INPP4B: variants seen among roughly 807,000 people sequenced by gnomAD.
The protein encoded by INPP4B is inositol polyphosphate-4-phosphatase type II B, also known as inositol polyphosphate 4-phosphatase type II.
A neutral mutation model predicts 122.5 loss-of-function variants in INPP4B; 55 were observed. That is an observed-to-expected ratio of 0.45 (90% CI 0.36 to 0.56). The LOEUF (loss-of-function observed/expected upper bound fraction) is 0.56. Among genes scored for constraint, INPP4B ranks in the 20% least tolerant of loss-of-function variants. The pLI is 0.00. For missense variants in INPP4B, 1,000 were observed against 1,097.7 expected, an observed-to-expected ratio of 0.91 and a Z score of 1.26; for synonymous variants, 403 against 388.7, an observed-to-expected ratio of 1.04 and a Z score of -0.43.
intron 15 of INPP4B, among the ~76,000 whole-genome samples, chr4:142,188,821 CT>C (rs1834427254): frequency 6.6e-6 from 1 of 151,984 alleles, no homozygotes; most frequent in African/African-American, 2.4e-5. Context: ...ATTTTTGTAA[CT>C]AGTGATTAGT....
intron 5 of INPP4B, among the ~76,000 whole-genome samples, chr4:142,427,694 C>T (rs988425301): frequency 6.6e-6 from 1 of 152,028 alleles, no homozygotes; most frequent in Non-Finnish European, 1.5e-5. Context: ...CTTTCTCCAG[C>T]AGGCAAACAA....
intron 23 of INPP4B, among the ~76,000 whole-genome samples, chr4:142,100,185 G>A (rs1314369571): frequency 6.6e-6 from 1 of 152,076 alleles, no homozygotes; most frequent in Non-Finnish European, 1.5e-5. Flanking sequence ...TCATCTTCCA[G>A]GCTAACTTAC....
At chr4:142,322,272 T>C (rs1770364396) in intron 7 of INPP4B, among the ~76,000 whole-genome samples, 1 of 152,078 alleles carries the variant, frequency 6.6e-6, no homozygotes, top group Non-Finnish European at 1.5e-5. Flanking sequence ...GCAAGGAATC[T>C]CTCAGTTAAT....
chr4:142,214,045 A>G (rs1162263122), intron 12 of INPP4B, among the ~76,000 whole-genome samples: 1 of 152,152 alleles, frequency 6.6e-6, no homozygotes, highest in Non-Finnish European at 1.5e-5. Flanking sequence ...CAATGTTCCA[A>G]ATTTATCACT....
At chr4:142,152,165 C>T (rs934277435) in intron 17 of INPP4B, among the ~76,000 whole-genome samples, 3 of 145,480 alleles carry the variant, frequency 2.1e-5, no homozygotes, top group African/African-American at 7.6e-5. Flanking sequence ...GCTCCGCCTC[C>T]CGGGTTCATG....
At chr4:142,692,886 A>G (rs1760391007) in intron 2 of INPP4B, among the ~76,000 whole-genome samples, 1 of 134,452 alleles carries the variant, frequency 7.4e-6, no homozygotes, top group Non-Finnish European at 1.6e-5. Context: ...AAGTTGACTT[A>G]ATTAAAACCT....
At chr4:142,171,756 T>C (rs1434613542) in intron 16 of INPP4B, among the ~76,000 whole-genome samples, 1 of 151,832 alleles carries the variant, frequency 6.6e-6, no homozygotes, top group Admixed American at 6.6e-5. Context: ...GCTTGTCTAC[T>C]CAGTAGAAAA....
chr4:142,420,132 G>A (rs1416055244), intron 5 of INPP4B, among the ~76,000 whole-genome samples: 1 of 151,912 alleles, frequency 6.6e-6, no homozygotes, highest in African/African-American at 2.4e-5. Context: ...AAACATCTAG[G>A]AAAAAATAAC....
intron 2 of INPP4B, among the ~76,000 whole-genome samples, chr4:142,602,368 G>C (rs1358122523): frequency 6.6e-6 from 1 of 152,164 alleles, no homozygotes; most frequent in East Asian, 1.9e-4. Context: ...CTCATGGATA[G>C]AAAGAATCAA....
At chr4:142,474,933 C>T (rs1394870313) in intron 2 of INPP4B, among the ~76,000 whole-genome samples, 1 of 152,244 alleles carries the variant, frequency 6.6e-6, no homozygotes, top group African/African-American at 2.4e-5. Flanking sequence ...AGAAACTCCA[C>T]TCACACCCAC....
chr4:142,646,117 T>G (rs557426961), intron 2 of INPP4B, among the ~76,000 whole-genome samples: 1 of 152,214 alleles, frequency 6.6e-6, no homozygotes. Context: ...ATATTTTGTT[T>G]GTAGTCATAG....
At chr4:142,616,626 T>C (rs1320841302) in intron 2 of INPP4B, among the ~76,000 whole-genome samples, 1 of 152,196 alleles carries the variant, frequency 6.6e-6, no homozygotes, top group African/African-American at 2.4e-5. Flanking sequence ...CCTTGAAAGC[T>C]GAAGATGTTG....
At chr4:142,170,883 C>A (rs945305192) in intron 16 of INPP4B, among the ~76,000 whole-genome samples, 2 of 151,634 alleles carry the variant, frequency 1.3e-5, no homozygotes, top group Non-Finnish European at 2.9e-5. Context: ...TTGTCTCTAC[C>A]AACAGTGTTT....
intron 25 of INPP4B, among the ~76,000 whole-genome samples, chr4:142,054,253 CTATT>C (rs1560954416): frequency 1.4e-5 from 2 of 147,852 alleles, no homozygotes; most frequent in African/African-American, 4.9e-5. Flanking sequence ...CCACAACACC[CTATT>C]TTTTTTTTTT....
intron 12 of INPP4B, 141 bp from the exon 13 acceptor site, chr4:142,209,167 T>C (rs1843795309): frequency 4.1e-6 from 2 of 490,286 alleles, no homozygotes; most frequent in African/African-American, 2.0e-5. Flanking sequence ...TTAGCTTAAA[T>C]ATTTTTTAAA....
At chr4:142,129,728 C>A (rs1175688412) in intron 18 of INPP4B, among the ~76,000 whole-genome samples, 3 of 152,214 alleles carry the variant, frequency 2.0e-5, no homozygotes, top group Non-Finnish European at 4.4e-5. Flanking sequence ...CTTCCTGACC[C>A]TCTTCCTGTC....
At chr4:142,640,116 C>A (rs1281541872) in intron 2 of INPP4B, among the ~76,000 whole-genome samples, 1 of 152,054 alleles carries the variant, frequency 6.6e-6, no homozygotes, top group African/African-American at 2.4e-5. Flanking sequence ...CTGTACTAGG[C>A]AAACTAGACC....
intron 25 of INPP4B, among the ~76,000 whole-genome samples, chr4:142,039,799 G>A (rs1035180833): frequency 6.6e-6 from 1 of 151,902 alleles, no homozygotes; most frequent in Non-Finnish European, 1.5e-5. Context: ...GGTTAGTTTT[G>A]TTTGCATAAA....
At chr4:142,250,495 G>A (rs1354335528) in intron 11 of INPP4B, among the ~76,000 whole-genome samples, 1 of 152,120 alleles carries the variant, frequency 6.6e-6, no homozygotes, top group Non-Finnish European at 1.5e-5. Context: ...AATACCACAT[G>A]GGTACAGAAT....
Sources: gnomAD v4.1 joint callset for allele counts (sites outside exome capture counted in the v4.1 genomes callset) on GRCh38, gnomAD v4.1.1 for gene constraint, MANE v1.5 for transcripts, NCBI Gene and HGNC (gene_info 2026-07-23, HGNC 2026-07-21) for gene names.